CELF4: variants seen among roughly 807,000 people sequenced by gnomAD.
CELF4 encodes the protein CUG-BP- and ETR-3-like factor 4.
CELF4 carries 18 observed loss-of-function variants against 59.9 expected under a neutral mutation model. The observed-to-expected ratio is 0.30, with a 90% CI of 0.21 to 0.45. CELF4 has a LOEUF of 0.45. Among genes scored for constraint, CELF4 ranks in the 20% least tolerant of loss-of-function variants. The pLI, the probability that CELF4 is intolerant of heterozygous loss-of-function variation, is 1.00. For synonymous variants in CELF4, 261 were observed against 267.1 expected (o/e 0.98, Z 0.22); for missense variants, 456 against 689.0 (o/e 0.66, Z 3.79).
rs375024805 is a variant in CELF4, at chr18:37,408,954, A to G, written c.369+76571T>C. 4.6e-5 allele frequency among the ~76,000 whole-genome samples: 7 copies of G among 152,322 alleles called. No homozygotes were observed. In the South Asian group the frequency reaches 1.2e-3, roughly 27 times the overall value. On this transcript the variant is annotated intron_variant, in intron 2 of 12. Transcript: ENST00000420428. ...GTCCCTTTCCAGACAGCAGGCAGAA[A>G]GGTCTGTCAATTCATCATGGGATCC...
At chr18:37,451,169 G>A (rs1015656077) in intron 2 of CELF4, among the ~76,000 whole-genome samples, 9 of 152,244 alleles carry the variant, frequency 5.9e-5, no homozygotes, top group Non-Finnish European at 1.2e-4. Context: ...GCAGAGTAGG[G>A]GACAGAGTGG....
At position 37,274,521 on chromosome 18, in the gene CELF4, T is replaced by C. The variant is rs775779803; in HGVS notation, c.658-67A>G. 5 of 1,604,686 alleles carry C rather than the reference T, an allele frequency of 3.1e-6. No individual in the cohort carries two copies. In the Admixed American group the frequency reaches 6.7e-5, roughly 22 times the overall value. On this transcript the variant is annotated intron_variant, in intron 5 of 12. Coordinates refer to ENST00000420428, the MANE Select transcript of CELF4 (RefSeq NM_020180.4). ...CTCCGCCCGCAGCTGTCGGTGCCTC[T>C]GGCCTGCGCCCACCCCGCCCGCTCC...
intron 2 of CELF4, among the ~76,000 whole-genome samples, chr18:37,410,397 A>G (rs781089683): frequency 2.0e-5 from 3 of 152,236 alleles, no homozygotes; most frequent in Non-Finnish European, 4.4e-5. Flanking sequence ...TCCTGGGCAC[A>G]TGAAGGTCCA....
intron 1 of CELF4, among the ~76,000 whole-genome samples, chr18:37,509,293 G>T (rs2099941632): frequency 6.6e-6 from 1 of 152,226 alleles, no homozygotes; most frequent in African/African-American, 2.4e-5. Flanking sequence ...GGTATTTTGA[G>T]TTCTGCAGAA....
intron 3 of CELF4, 108 bp from the exon 4 acceptor site, chr18:37,275,351 G>A (rs1159731266): frequency 4.4e-5 from 58 of 1,330,710 alleles, no homozygotes; most frequent in Non-Finnish European, 5.5e-5. Flanking sequence ...CCGGGGAGGC[G>A]GGGCGGGGGC....
intron 2 of CELF4, among the ~76,000 whole-genome samples, chr18:37,364,332 T>C (rs1483722776): frequency 6.6e-6 from 1 of 152,192 alleles, no homozygotes; most frequent in South Asian, 2.1e-4. Context: ...GCAGGAGAAA[T>C]GACAAGTGTC....
chr18:37,488,794 C>T (rs763097647), intron 1 of CELF4, among the ~76,000 whole-genome samples: 46 of 152,150 alleles, frequency 3.0e-4, no homozygotes, highest in Admixed American at 2.6e-3. Context: ...CTTCCCTTTT[C>T]GGGTTCAGAG....
chr18:37,267,436 C>G (rs568117989), intron 8 of CELF4, among the ~76,000 whole-genome samples: 1 of 152,324 alleles, frequency 6.6e-6, no homozygotes, highest in Admixed American at 6.5e-5. Context: ...CATGGGCCAG[C>G]AGTAGGCACT....
At chr18:37,325,054 T>C (rs1250529378) in intron 2 of CELF4, among the ~76,000 whole-genome samples, 1 of 151,840 alleles carries the variant, frequency 6.6e-6, no homozygotes, top group Non-Finnish European at 1.5e-5. Flanking sequence ...GGGAGCCAGA[T>C]GGGGAATTCA....
intron 2 of CELF4, among the ~76,000 whole-genome samples, chr18:37,406,192 G>A (rs910501010): frequency 1.3e-5 from 2 of 151,924 alleles, no homozygotes; most frequent in African/African-American, 4.8e-5. Flanking sequence ...AATATGAGGA[G>A]TAAAGGAAAG....
chr18:37,286,258 C>T (rs2094750178), intron 3 of CELF4, among the ~76,000 whole-genome samples: 1 of 152,232 alleles, frequency 6.6e-6, no homozygotes. Context: ...AAAAGACTCA[C>T]TTAGAGCTGT....
At chr18:37,382,857 C>T (rs1391375597) in intron 2 of CELF4, among the ~76,000 whole-genome samples, 1 of 152,112 alleles carries the variant, frequency 6.6e-6, no homozygotes, top group East Asian at 1.9e-4. Context: ...GCTCACCTGC[C>T]CCCCTCCACA....
At chr18:37,420,968 T>G (rs1569569340) in intron 2 of CELF4, among the ~76,000 whole-genome samples, 1 of 152,224 alleles carries the variant, frequency 6.6e-6, no homozygotes, top group African/African-American at 2.4e-5. Context: ...GAACTTGGCT[T>G]GAACCTAGGA....
At chr18:37,505,528 G>C (rs138759874) in intron 1 of CELF4, among the ~76,000 whole-genome samples, 1 of 152,276 alleles carries the variant, frequency 6.6e-6, no homozygotes, top group Non-Finnish European at 1.5e-5. Flanking sequence ...AGGGCCAGGT[G>C]GGGTGATTGT....
intron 2 of CELF4, among the ~76,000 whole-genome samples, chr18:37,422,288 C>T (rs1445833482): frequency 6.6e-6 from 1 of 152,194 alleles, no homozygotes; most frequent in African/African-American, 2.4e-5. Context: ...GATGGCCAGT[C>T]AGGGGCCACC....
chr18:37,393,887 C>G (rs1438138378), intron 2 of CELF4, among the ~76,000 whole-genome samples: 1 of 147,224 alleles, frequency 6.8e-6, no homozygotes, highest in Non-Finnish European at 1.5e-5. Flanking sequence ...TTAAGCAACA[C>G]CAATAATTCC....
chr18:37,273,071 C>T lies in CELF4; in HGVS notation c.894G>A (p.Gln298=). Residue 298 remains glutamine, a synonymous_variant, in exon 7 of 13, where the codon CAG becomes CAA. Coordinates refer to ENST00000420428, the MANE Select transcript of CELF4 (RefSeq NM_020180.4). ...GGCCATTCATGTTGAGGGCCGCCAT[C>T]TGCTGCATCTGGGCGGCAGCGAAGG... ...MAAFAAAQMQ[Q]MAALNMNGLA... 1 of 1,613,006 alleles carries T rather than the reference C, an allele frequency of 6.2e-7. No homozygotes were observed.
intron 2 of CELF4, among the ~76,000 whole-genome samples, chr18:37,341,038 A>G (rs653932): frequency 0.97 from 148,447 of 152,358 alleles, 72,344 homozygotes; most frequent in East Asian, 1. Context: ...GGATGGTGAA[A>G]AGAACCACCT....
At chr18:37,376,975 G>C (rs571687715) in intron 2 of CELF4, among the ~76,000 whole-genome samples, 4 of 152,132 alleles carry the variant, frequency 2.6e-5, no homozygotes, top group Non-Finnish European at 5.9e-5. Flanking sequence ...CCAGGGATGG[G>C]GGAGTGGGCA....
Sources: gnomAD v4.1 joint callset for allele counts (sites outside exome capture counted in the v4.1 genomes callset) on GRCh38, gnomAD v4.1.1 for gene constraint, MANE v1.5 for transcripts, NCBI Gene and HGNC (gene_info 2026-07-23, HGNC 2026-07-21) for gene names.